Variants in NAALADL2 observed in about 807,000 individuals in gnomAD.
NAALADL2 encodes the protein inactive N-acetylated-alpha-linked acidic dipeptidase-like protein 2.
In NAALADL2, 76 loss-of-function variants were observed where a neutral mutation model predicts 87.2. The ratio of observed to expected loss-of-function variants is 0.87; its 90% CI spans 0.72 to 1.05. NAALADL2 has a LOEUF of 1.05. Ranked by LOEUF, NAALADL2 falls within the 50% of genes least tolerant of loss-of-function variation. NAALADL2 has a pLI of 0.00. For synonymous variants in NAALADL2, 354 were observed against 331.0 expected, an observed-to-expected ratio of 1.07 and a Z score of -0.75; for missense variants, 1,089 against 945.8, an observed-to-expected ratio of 1.15 and a Z score of -1.99.
intron 1 of NAALADL2, among the ~76,000 whole-genome samples, chr3:174,456,765 C>T (rs940685940): frequency 6.6e-6 from 1 of 151,862 alleles, no homozygotes; most frequent in African/African-American, 2.4e-5. Context: ...CTATAAAAAC[C>T]CTGGAACACA....
In NAALADL2 at chr3:175,737,345, G is replaced by A. The variant is rs781765335; in HGVS notation, c.1936G>A (p.Val646Ile). ...EVILQIANEP[V>I]LPFNALDIAL... ...GATTTTGCAAATTGCCAACGAACCT[G>A]TTCTGCCCTTTAATGCACTTGATAT... Residue 646 changes from valine to isoleucine, a missense_variant, in exon 12 of 14, where the codon GTT becomes ATT. Coordinates refer to ENST00000454872, the MANE Select transcript of NAALADL2 (RefSeq NM_207015.3). 1.2e-6 allele frequency: 2 copies of A among 1,612,528 alleles called. No homozygotes were observed. Among genetic ancestry groups the A allele is most frequent in the East Asian group, 2.2e-5 (1 of 44,828 alleles).
intron 5 of NAALADL2, among the ~76,000 whole-genome samples, chr3:175,338,057 A>G (rs960823075): frequency 3.3e-5 from 5 of 152,154 alleles, no homozygotes; most frequent in Non-Finnish European, 1.5e-5. Context: ...TAAAGCAATT[A>G]ATGAGTTTTT....
At chr3:175,034,846 A>G (rs1241251049) in intron 1 of NAALADL2, among the ~76,000 whole-genome samples, 1 of 152,204 alleles carries the variant, frequency 6.6e-6, no homozygotes, top group East Asian at 1.9e-4. Context: ...TGGCATCAGT[A>G]AGCATTCAGT....
chr3:174,696,392 T>G (rs768854623), intron 2 of NAALADL2, among the ~76,000 whole-genome samples: 65 of 151,936 alleles, frequency 4.3e-4, no homozygotes, highest in Non-Finnish European at 8.5e-4. Context: ...TAATTCATAT[T>G]TCTTGTTGTA....
At chr3:175,465,922 T>G (rs1390407032) in intron 7 of NAALADL2, among the ~76,000 whole-genome samples, 1 of 152,246 alleles carries the variant, frequency 6.6e-6, no homozygotes, top group Admixed American at 6.5e-5. Context: ...GTGTAAGACC[T>G]ACTTTGTGTT....
At chr3:174,465,385 T>C (rs1716475921) in intron 1 of NAALADL2, among the ~76,000 whole-genome samples, 1 of 152,228 alleles carries the variant, frequency 6.6e-6, no homozygotes, top group South Asian at 2.1e-4. Flanking sequence ...ATCTGTCTAA[T>C]ACAGAGTTCG....
intron 13 of NAALADL2, among the ~76,000 whole-genome samples, chr3:175,763,357 G>T (rs1343969150): frequency 6.6e-6 from 1 of 152,022 alleles, no homozygotes. Flanking sequence ...TTAAAAAAAT[G>T]CTTCTTCCTA....
At chr3:174,518,139 A>G (rs1286914574) in intron 1 of NAALADL2, among the ~76,000 whole-genome samples, 1 of 152,128 alleles carries the variant, frequency 6.6e-6, no homozygotes, top group East Asian at 1.9e-4. Flanking sequence ...ATGATGGCCC[A>G]GGTTACAACA....
Position 175,233,924 on chromosome 3 carries a change from A to C in NAALADL2, c.546-7A>C, listed in dbSNP as rs1401485753. Reference sequence around the variant, plus strand: ...TTAAAAAAGTTTTCTTTTCAAATTTATTTCAGAAATTTGGTACAACTATAT... The same window carrying C: ...TTAAAAAAGTTTTCTTTTCAAATTTCTTTCAGAAATTTGGTACAACTATAT... On this transcript the variant is annotated splice_region_variant and splice_polypyrimidine_tract_variant and intron_variant, in intron 2 of 13. Coordinates refer to ENST00000454872, the MANE Select transcript of NAALADL2 (RefSeq NM_207015.3). 1 of 1,523,592 alleles carries C rather than the reference A, an allele frequency of 6.6e-7. No homozygotes were observed. Among genetic ancestry groups the C allele is most frequent in the Non-Finnish European group, 9.0e-7 (1 of 1,114,990 alleles). The allele number at this position is 1,523,592 out of a possible 1,614,324, so 94.4% of individuals were successfully genotyped here. A position where few individuals can be genotyped will look rare whatever the true frequency, so the allele number is the denominator to read the frequency against.
At chr3:174,805,039 A>G (rs2109267602) in intron 3 of NAALADL2, among the ~76,000 whole-genome samples, 1 of 152,106 alleles carries the variant, frequency 6.6e-6, no homozygotes, top group South Asian at 2.1e-4. Flanking sequence ...TTTTCTTGTC[A>G]TAGATTATTT....
chr3:175,415,520 G>A (rs1328270044), intron 5 of NAALADL2, among the ~76,000 whole-genome samples: 5 of 151,908 alleles, frequency 3.3e-5, no homozygotes, highest in Admixed American at 3.3e-4. Context: ...TATAGAATGT[G>A]AGAAAATAAA....
At chr3:175,561,630 A>G (rs1716285681) in intron 9 of NAALADL2, among the ~76,000 whole-genome samples, 1 of 152,200 alleles carries the variant, frequency 6.6e-6, no homozygotes, top group Non-Finnish European at 1.5e-5. Context: ...AAGTATGTAT[A>G]TAGAATTGGT....
At chr3:175,508,141 G>T (rs1730617099) in intron 9 of NAALADL2, among the ~76,000 whole-genome samples, 1 of 152,194 alleles carries the variant, frequency 6.6e-6, no homozygotes, top group African/African-American at 2.4e-5. Context: ...GATCTCACAT[G>T]AACTTAGAGC....
intron 5 of NAALADL2, among the ~76,000 whole-genome samples, chr3:175,412,411 T>C (rs1713705212): frequency 6.6e-6 from 1 of 152,346 alleles, no homozygotes; most frequent in Non-Finnish European, 1.5e-5. Context: ...TCAGTGTATG[T>C]TATATGATGC....
chr3:175,179,020 C>T (rs944499857), intron 2 of NAALADL2, among the ~76,000 whole-genome samples: 22 of 151,964 alleles, frequency 1.4e-4, no homozygotes, highest in African/African-American at 5.3e-4. Context: ...TATTCTTCTG[C>T]CTAGAAATGT....
chr3:175,517,880 G>A (rs1038732129), intron 9 of NAALADL2, among the ~76,000 whole-genome samples: 1 of 152,130 alleles, frequency 6.6e-6, no homozygotes, highest in African/African-American at 2.4e-5. Flanking sequence ...CATAGGGATC[G>A]CAGATTGGTT....
intron 3 of NAALADL2, among the ~76,000 whole-genome samples, chr3:174,746,047 C>A (rs150196271): frequency 6.6e-6 from 1 of 152,246 alleles, no homozygotes; most frequent in East Asian, 1.9e-4. Flanking sequence ...TCTTACCACT[C>A]CTATTCAACA....
chr3:175,746,311 G>C lies in NAALADL2; in HGVS notation c.1991-8909G>C, dbSNP rs548242275. On this transcript the variant is annotated intron_variant, in intron 12 of 13. Coordinates refer to ENST00000454872, the MANE Select transcript of NAALADL2 (RefSeq NM_207015.3). ...AGTTTCAATTTTTAGGTGTCACTTG[G>C]TTTGTTTTTTTTTTTTTTTAATCAA... Among the ~76,000 whole-genome samples, 9 of 109,800 alleles carry C rather than the reference G, an allele frequency of 8.2e-5. No individual in the cohort carries two copies. The East Asian group carries it at 2.1e-3, about 25-fold the overall frequency. The allele number at this position is 109,800 out of a possible 152,430, so 72.0% of individuals were successfully genotyped here. A position where few individuals can be genotyped will look rare whatever the true frequency, so the allele number is the denominator to read the frequency against.
At chr3:174,679,353 A>G (rs1348402508) in intron 2 of NAALADL2, among the ~76,000 whole-genome samples, 1 of 152,150 alleles carries the variant, frequency 6.6e-6, no homozygotes, top group Non-Finnish European at 1.5e-5. Flanking sequence ...TAATTATTTT[A>G]TCTTTAATTT....
Sources: gnomAD v4.1 joint callset for allele counts (sites outside exome capture counted in the v4.1 genomes callset) on GRCh38, gnomAD v4.1.1 for gene constraint, MANE v1.5 for transcripts, NCBI Gene and HGNC (gene_info 2026-07-23, HGNC 2026-07-21) for gene names.